PTTG1IP: variants seen among roughly 807,000 people sequenced by gnomAD.
PTTG1IP encodes the protein PTTG1 interacting protein.
A neutral mutation model predicts 24.4 loss-of-function variants in PTTG1IP; 16 were observed. That is an observed-to-expected ratio of 0.66 (90% CI 0.44 to 1.00). PTTG1IP has a LOEUF of 1.00. PTTG1IP is among the 50% of genes least tolerant of loss of function. PTTG1IP has a pLI of 0.00. For synonymous variants in PTTG1IP, 89 were observed against 96.8 expected (o/e 0.92, Z 0.47); for missense variants, 241 against 245.8 (o/e 0.98, Z 0.13).
chr21:44,855,394 G>C (rs1357256503), intron 4 of PTTG1IP, 138 bp from the exon 5 acceptor site: 1 of 888,250 alleles, frequency 1.1e-6, no homozygotes, highest in African/African-American at 1.7e-5. Context: ...AGTGAAACCA[G>C]GGTGAGGACA....
chr21:44,866,680 A>AC (rs2083544044), intron 1 of PTTG1IP, among the ~76,000 whole-genome samples: 1 of 145,082 alleles, frequency 6.9e-6, no homozygotes, highest in Non-Finnish European at 1.5e-5. Context: ...CCAATCCCAT[A>AC]ACACACACAC....
chr21:44,870,482 C>T (rs568113866), intron 1 of PTTG1IP, among the ~76,000 whole-genome samples: 6 of 145,150 alleles, frequency 4.1e-5, no homozygotes, highest in South Asian at 2.2e-4. Context: ...CCTGACATCA[C>T]GCCACTGCAC....
At chr21:44,865,905 C>G (rs2083532796) in intron 1 of PTTG1IP, 1 of 247,854 alleles carries the variant, frequency 4.0e-6, no homozygotes, top group African/African-American at 2.2e-5. Flanking sequence ...ACACTTGTGT[C>G]TTTGGACTCA....
At chr21:44,870,034 T>C (rs2083571566) in intron 1 of PTTG1IP, among the ~76,000 whole-genome samples, 1 of 152,172 alleles carries the variant, frequency 6.6e-6, no homozygotes, top group African/African-American at 2.4e-5. Context: ...CCCAGACCTC[T>C]GGATTACCGG....
rs2083400200 is a variant in PTTG1IP, at chr21:44,850,084, A to C, written c.*1497T>G. On this transcript the variant is annotated 3_prime_UTR_variant, in exon 6 of 6. Coordinates refer to ENST00000330938, the MANE Select transcript of PTTG1IP (RefSeq NM_004339.4). ...CCGGTACAGATGTACACAGTCAAAAAGGCTTATCGAGCTGTTTGACGAGTT... is the reference window on the plus strand; with the variant it reads ...CCGGTACAGATGTACACAGTCAAAACGGCTTATCGAGCTGTTTGACGAGTT... 1 of 152,326 alleles carries C rather than the reference A, an allele frequency of 6.6e-6. No homozygotes were observed. 9.4% of individuals were successfully genotyped at this position (152,326 alleles called of 1,614,324 possible). A position where few individuals can be genotyped will look rare whatever the true frequency, so the allele number is the denominator to read the frequency against.
chr21:44,864,074 C>G (rs766263011), intron 2 of PTTG1IP, among the ~76,000 whole-genome samples: 1 of 152,230 alleles, frequency 6.6e-6, no homozygotes, highest in Non-Finnish European at 1.5e-5. Context: ...ATCATGAAAC[C>G]TCATTGCCGG....
intron 5 of PTTG1IP, 53 bp downstream of exon 5, chr21:44,855,157 C>G: frequency 5.2e-6 from 8 of 1,538,036 alleles, no homozygotes; most frequent in South Asian, 2.2e-5. Flanking sequence ...AGGACCGAGA[C>G]AGCGTGCCAT....
Position 44,851,406 on chromosome 21 carries a change from C to G in PTTG1IP, c.*175G>C, listed in dbSNP as rs2083409811. ...GAACAGGGAATAGAAGGTCACCAGT[C>G]TGCAAGACGAGAGGACTGTCCTTCA... On this transcript the variant is annotated 3_prime_UTR_variant, in exon 6 of 6. Transcript: ENST00000330938. 6.4e-7 allele frequency: 1 copy of G among 1,566,836 alleles called. No individual in the cohort carries two copies. The highest frequency in any genetic ancestry group is 2.3e-5 in the East Asian group (1 of 42,650).
intron 2 of PTTG1IP, among the ~76,000 whole-genome samples, chr21:44,864,396 TTTTG>T (rs985877076): frequency 6.6e-6 from 1 of 151,922 alleles, no homozygotes. Flanking sequence ...ACGTTTTTGT[TTTTG>T]TTTTTGTTTT....
chr21:44,853,289 C>T (rs942349836), intron 5 of PTTG1IP, among the ~76,000 whole-genome samples: 2 of 152,114 alleles, frequency 1.3e-5, no homozygotes, highest in Non-Finnish European at 2.9e-5. Flanking sequence ...GGGCGGATCA[C>T]GAGGTCAGGA....
At position 44,873,672 on chromosome 21, in the gene PTTG1IP, A is replaced by G; in HGVS notation, c.-56T>C. 3 of 1,307,956 alleles carry G rather than the reference A, an allele frequency of 2.3e-6. No homozygotes were observed. Among genetic ancestry groups the G allele is most frequent in the Non-Finnish European group, 2.9e-6 (3 of 1,024,290 alleles). The allele number at this position is 1,307,956 out of a possible 1,614,324, so 81.0% of individuals were successfully genotyped here. The stretch of plus-strand genomic sequence containing the variant: ...GCGTTACAACTCCGACTCCAGCACA[A>G]GCGGTCTCCGCCCGGAACAGCCGCG... On this transcript the variant is annotated 5_prime_UTR_variant, in exon 1 of 6. Coordinates refer to ENST00000330938, the MANE Select transcript of PTTG1IP (RefSeq NM_004339.4).
At chr21:44,869,313 T>C (rs1191013293) in intron 1 of PTTG1IP, among the ~76,000 whole-genome samples, 1 of 152,258 alleles carries the variant, frequency 6.6e-6, no homozygotes, top group Non-Finnish European at 1.5e-5. Flanking sequence ...TTGATAATTA[T>C]ATAAATTTCA....
intron 1 of PTTG1IP, chr21:44,865,699 G>A: frequency 1.7e-6 from 1 of 583,418 alleles, no homozygotes; most frequent in Non-Finnish European, 3.1e-6. Context: ...TATCCACAAG[G>A]GCTCTTCTGG....
intron 1 of PTTG1IP, chr21:44,866,020 A>C (rs906915043): frequency 5.7e-6 from 1 of 176,414 alleles, no homozygotes; most frequent in Non-Finnish European, 1.2e-5. Context: ...GAGGCCCGGC[A>C]CACCAGCCTG....
At chr21:44,865,351 A>G in intron 2 of PTTG1IP, 44 bp downstream of exon 2, 1 of 1,591,706 alleles carries the variant, frequency 6.3e-7, no homozygotes, top group Non-Finnish European at 8.6e-7. Flanking sequence ...GTGCCTTTGG[A>G]CGGTCTGGAC....
rs1369670205 is a variant in PTTG1IP at position 44,851,507 on chromosome 21, G to A, written c.*74C>T. The A allele has an allele frequency of 3.7e-6, 6 of 1,613,758 alleles. No individual in the cohort carries two copies. The highest frequency in any genetic ancestry group is 5.1e-6 in the Non-Finnish European group (6 of 1,179,964). On this transcript the variant is annotated 3_prime_UTR_variant, in exon 6 of 6. Transcript: ENST00000330938. ...AAGGTCAGGAGACCGCAATGGCCACGTGGTCTCCCGGCTGGGCTGGGCTGC... is the reference window on the plus strand; with the variant it reads ...AAGGTCAGGAGACCGCAATGGCCACATGGTCTCCCGGCTGGGCTGGGCTGC...
At chr21:44,872,269 T>C (rs895667067) in intron 1 of PTTG1IP, among the ~76,000 whole-genome samples, 4 of 152,154 alleles carry the variant, frequency 2.6e-5, no homozygotes, top group African/African-American at 9.7e-5. Flanking sequence ...GGCAGCTGCA[T>C]TGCTAACGTC....
intron 5 of PTTG1IP, among the ~76,000 whole-genome samples, chr21:44,853,157 TGTGTGCGTGTGTGCGC>T (rs980161727): frequency 2.6e-4 from 40 of 152,260 alleles, no homozygotes; most frequent in South Asian, 8.3e-4. Flanking sequence ...TGCTGGGCAG[TGTGTGCGTGTGTGCGC>T]GTGTGCGTGT....
chr21:44,857,619 C>T (rs1250448874), intron 3 of PTTG1IP, among the ~76,000 whole-genome samples: 3 of 152,216 alleles, frequency 2.0e-5, no homozygotes, highest in African/African-American at 4.8e-5. Flanking sequence ...CAGGTGACAC[C>T]GTCTCACCTC....
Sources: allele counts gnomAD v4.1 joint callset (sites outside exome capture counted in the v4.1 genomes callset), GRCh38; gene constraint gnomAD v4.1.1; transcripts MANE v1.5; gene names NCBI Gene and HGNC (gene_info 2026-07-23, HGNC 2026-07-21).